Variants in GABRA3 observed in about 807,000 individuals in gnomAD.
The protein encoded by GABRA3 is gamma-aminobutyric acid type A receptor subunit alpha3.
In GABRA3, 10 loss-of-function variants were observed where a neutral mutation model predicts 30.1. That is an observed-to-expected ratio of 0.33 (90% CI 0.20 to 0.56). The LOEUF (loss-of-function observed/expected upper bound fraction) is 0.56. GABRA3 is among the 20% of genes least tolerant of loss of function. The pLI is 0.89. For synonymous variants in GABRA3, 151 were observed against 146.8 expected (o/e 1.03, Z -0.21); for missense variants, 233 against 392.0 (o/e 0.59, Z 3.42).
At chrX:152,378,892 C>A (rs1929068696) in intron 1 of GABRA3, among the ~76,000 whole-genome samples, 1 of 111,284 alleles carries the variant, frequency 9.0e-6, no homozygotes, top group African/African-American at 3.3e-5. Context: ...AAAGGTTTTA[C>A]TAGAAGTAAT....
chrX:152,276,582 T>C (rs1939089621), intron 4 of GABRA3, among the ~76,000 whole-genome samples: 1 of 112,105 alleles, frequency 8.9e-6, no homozygotes, highest in African/African-American at 3.2e-5. Context: ...GTTGTATTAC[T>C]GCTTTTTAAT....
At chrX:152,412,585 T>C (rs1365583131) in intron 1 of GABRA3, among the ~76,000 whole-genome samples, 1 of 112,067 alleles carries the variant, frequency 8.9e-6, no homozygotes, top group Non-Finnish European at 1.9e-5. Context: ...GACATTATGT[T>C]AAGTGAAAGA....
chrX:152,281,612 T>C (rs1270898490), intron 4 of GABRA3, among the ~76,000 whole-genome samples: 1 of 112,081 alleles, frequency 8.9e-6, no homozygotes, highest in Admixed American at 9.5e-5. Flanking sequence ...CTCAGTTCCC[T>C]ACTGTCATAG....
At chrX:152,201,367 T>C (rs11345165) in intron 7 of GABRA3, among the ~76,000 whole-genome samples, 2 of 21,850 alleles carry the variant, frequency 9.2e-5, no homozygotes, top group South Asian at 1.2e-3. Flanking sequence ...GGGTACAATA[T>C]AAAACACACA....
chrX:152,439,427 T>C (rs1490680271), intron 1 of GABRA3, among the ~76,000 whole-genome samples: 1 of 111,479 alleles, frequency 9.0e-6, no homozygotes, highest in Non-Finnish European at 1.9e-5. Flanking sequence ...CCACCGTGCC[T>C]GGTCTAGTTT....
At chrX:152,381,694 C>T (rs1191021951) in intron 1 of GABRA3, among the ~76,000 whole-genome samples, 2 of 109,684 alleles carry the variant, frequency 1.8e-5, no homozygotes, top group Non-Finnish European at 3.8e-5. Context: ...ACTATCCCTC[C>T]CCTAACCCCC....
intron 3 of GABRA3, among the ~76,000 whole-genome samples, chrX:152,310,118 C>G (rs1010896949): frequency 8.9e-6 from 1 of 112,010 alleles, no homozygotes; most frequent in African/African-American, 3.2e-5. Flanking sequence ...AACACTGGAA[C>G]AGCCAGATTC....
intron 1 of GABRA3, chrX:152,392,141 G>A: frequency 5.6e-6 from 2 of 357,351 alleles, no homozygotes; most frequent in Non-Finnish European, 1.1e-5. Context: ...TCCTCATATG[G>A]ATGTGATACA....
intron 9 of GABRA3, among the ~76,000 whole-genome samples, chrX:152,173,673 C>G (rs914419040): frequency 9.0e-6 from 1 of 110,627 alleles, no homozygotes; most frequent in African/African-American, 3.3e-5. Context: ...TCAGGCTGGT[C>G]TCGAACTCCT....
intron 1 of GABRA3, among the ~76,000 whole-genome samples, chrX:152,449,627 C>G (rs765955409): frequency 4.5e-5 from 5 of 111,111 alleles, no homozygotes; most frequent in Non-Finnish European, 9.4e-5. Flanking sequence ...TGCTGTTACT[C>G]TACACGAAAG....
At chrX:152,450,337 C>T (rs1162634903) in intron 1 of GABRA3, among the ~76,000 whole-genome samples, 1 of 108,342 alleles carries the variant, frequency 9.2e-6, no homozygotes, top group Non-Finnish European at 1.9e-5. Context: ...CAGGTGTTTC[C>T]TCCCTTCCAA....
intron 9 of GABRA3, among the ~76,000 whole-genome samples, chrX:152,173,053 A>T (rs1442706538): frequency 9.0e-6 from 1 of 111,506 alleles, no homozygotes; most frequent in Non-Finnish European, 1.9e-5. Context: ...AAGGTTAATT[A>T]AAATAAGAGA....
chrX:152,302,129 A>G (rs762280691), intron 3 of GABRA3, among the ~76,000 whole-genome samples: 31 of 111,546 alleles, frequency 2.8e-4, no homozygotes, highest in African/African-American at 1.0e-3. Context: ...AAGGGGGAAA[A>G]GATAAATATA....
intron 1 of GABRA3, among the ~76,000 whole-genome samples, chrX:152,427,611 A>T (rs1168942093): frequency 8.9e-6 from 1 of 112,197 alleles, no homozygotes; most frequent in Non-Finnish European, 1.9e-5. Flanking sequence ...GGCTCACCGG[A>T]AAATTACTTT....
At chrX:152,268,072 G>GT (rs201997441) in intron 4 of GABRA3, among the ~76,000 whole-genome samples, 15 of 108,227 alleles carry the variant, frequency 1.4e-4, no homozygotes, top group South Asian at 3.9e-4. Context: ...GCATCATTAG[G>GT]TTTTTTTTGG....
rs34355005 is a variant in GABRA3 at position 152,383,973 on chromosome X, C to CAAAAAAA, written c.-26-19384_-26-19378dup. 5.5e-5 allele frequency among the ~76,000 whole-genome samples: 4 copies of CAAAAAAA among 73,232 alleles called. 1 individual carries two copies. Among genetic ancestry groups the CAAAAAAA allele is most frequent in the Non-Finnish European group, 7.6e-5 (3 of 39,412 alleles). The allele number at this position is 73,232 out of a possible 115,157, so 63.6% of individuals were successfully genotyped here. ...GTGGAAAACCCTACAGACTCCACCACAAAAAAAAAAAAAAAAAGAAAAACC... is the reference window on the plus strand; with the variant it reads ...GTGGAAAACCCTACAGACTCCACCACAAAAAAAAAAAAAAAAAAAAAAAAGAAAAACC... On this transcript the variant is annotated intron_variant, in intron 1 of 9. Transcript: ENST00000370314.
chrX:152,383,160 G>A (rs1249002664), intron 1 of GABRA3, among the ~76,000 whole-genome samples: 1 of 109,113 alleles, frequency 9.2e-6, no homozygotes, highest in Non-Finnish European at 1.9e-5. Flanking sequence ...GCCGAGGCAG[G>A]CAGATCATGA....
chrX:152,329,095 A>G (rs1168742391), intron 3 of GABRA3, among the ~76,000 whole-genome samples: 1 of 111,767 alleles, frequency 8.9e-6, no homozygotes, highest in African/African-American at 3.3e-5. Context: ...TCCCATTCAC[A>G]ATTGCTTCAA....
At position 152,330,093 on chromosome X, in the gene GABRA3, A is replaced by G. The variant is rs187744057; in HGVS notation, c.262+15488T>C. 3.3e-3 allele frequency among the ~76,000 whole-genome samples: 375 copies of G among 112,354 alleles called. 4 individuals are homozygous for G. The highest frequency in any genetic ancestry group is 0.011 in the African/African-American group (348 of 30,838). On this transcript the variant is annotated intron_variant, in intron 3 of 9. Coordinates refer to ENST00000370314, the MANE Select transcript of GABRA3 (RefSeq NM_000808.4). ...CATTAATACAACCAACAGACACATG[A>G]AAAAATGCTCATCATCACTGGCCAT...
Sources: allele counts gnomAD v4.1 joint callset (sites outside exome capture counted in the v4.1 genomes callset), GRCh38; gene constraint gnomAD v4.1.1; transcripts MANE v1.5; gene names NCBI Gene and HGNC (gene_info 2026-07-23, HGNC 2026-07-21).